The following FBXO10 variants were observed in gnomAD, a reference collection of about 807,000 sequenced individuals.
FBXO10 encodes F-box protein 10.
In FBXO10, 39 loss-of-function variants were observed where a neutral mutation model predicts 80.7. The ratio of observed to expected loss-of-function variants is 0.48; its 90% confidence interval spans 0.37 to 0.63. FBXO10 has a LOEUF of 0.63. Ranked by LOEUF, FBXO10 falls within the 30% of genes least tolerant of loss-of-function variation. FBXO10 has a pLI of 0.00. For synonymous variants in FBXO10, 449 were observed against 489.6 expected, an observed-to-expected ratio of 0.92 and a Z score of 1.09; for missense variants, 1,025 against 1,269.0, an observed-to-expected ratio of 0.81 and a Z score of 2.92.
intron 1 of FBXO10, among the ~76,000 whole-genome samples, chr9:37,572,733 T>C (rs1297666656): frequency 1.3e-5 from 2 of 152,220 alleles, no homozygotes; most frequent in Non-Finnish European, 2.9e-5. Flanking sequence ...GTATTGGCAA[T>C]GTTCCAGTTC....
At position 37,541,462 on chromosome 9, in the gene FBXO10, G is replaced by T. The variant is rs1346890047; in HGVS notation, c.307C>A (p.Arg103=). The change falls in exon 2 of 11, where the codon CGG becomes AGG. Residue 103 remains arginine (R), a synonymous_variant. Coordinates refer to ENST00000432825, the MANE Select transcript of FBXO10 (RefSeq NM_012166.3). ...CTCAGGGTACGTCGTTCCCTCCTCC[G>T]GCGGAATAGAGAAAAGCAGATGGAA... is the stretch of plus-strand genomic sequence containing the variant. The part of the protein sequence containing the change: ...ESSICFSLFR[R]RRERRTLSVG... 2.5e-6 allele frequency: 4 copies of T among 1,613,996 alleles called. No individual in the cohort carries two copies. The South Asian group carries it at 4.4e-5, about 18-fold the overall frequency.
chr9:37,552,403 G>A (rs13297860), intron 1 of FBXO10, among the ~76,000 whole-genome samples: 50 of 152,270 alleles, frequency 3.3e-4, no homozygotes, highest in Non-Finnish European at 7.1e-4. Context: ...GACACTTATG[G>A]CTGGGCGAGG....
At chr9:37,548,232 A>G (rs1400822486) in intron 1 of FBXO10, among the ~76,000 whole-genome samples, 1 of 151,700 alleles carries the variant, frequency 6.6e-6, no homozygotes, top group Admixed American at 6.6e-5. Flanking sequence ...TAAAAATACA[A>G]AAATTATCTG....
intron 1 of FBXO10, among the ~76,000 whole-genome samples, chr9:37,560,821 C>G (rs1822460283): frequency 6.6e-6 from 1 of 151,928 alleles, no homozygotes; most frequent in African/African-American, 2.4e-5. Flanking sequence ...GAAGTAGGCC[C>G]CAAGTGGTTC....
chr9:37,535,234 A>C (rs1184377874), intron 3 of FBXO10, among the ~76,000 whole-genome samples: 2 of 152,192 alleles, frequency 1.3e-5, no homozygotes, highest in Non-Finnish European at 2.9e-5. Context: ...AGGTGTGCCC[A>C]TTTCCAAACT....
At position 37,515,693 on chromosome 9, in the gene FBXO10, A is replaced by G. The variant is rs114911280; in HGVS notation, c.2696+211T>C. On this transcript the variant is annotated intron_variant, in intron 10 of 10. Transcript: ENST00000432825. Reference sequence around the variant, plus strand: ...GCAGAGCTGAGATCTGAAACCACATACCCCTGACTCTTAAAAAGCTTGTTC... The same window carrying G: ...GCAGAGCTGAGATCTGAAACCACATGCCCCTGACTCTTAAAAAGCTTGTTC... 2.3e-3 allele frequency: 1,119 copies of G among 497,246 alleles called. 14 individuals carry two copies. The highest frequency in any genetic ancestry group is 0.019 in the African/African-American group (989 of 50,746). The allele number at this position is 497,246 out of a possible 1,614,324, so 30.8% of individuals were successfully genotyped here.
chr9:37,552,842 G>A (rs187174883), intron 1 of FBXO10, among the ~76,000 whole-genome samples: 1 of 152,134 alleles, frequency 6.6e-6, no homozygotes, highest in African/African-American at 2.4e-5. Flanking sequence ...ATGAAAATAT[G>A]TGTCTGCACA....
At chr9:37,521,256 G>A (rs1001706777) in intron 8 of FBXO10, among the ~76,000 whole-genome samples, 1 of 152,072 alleles carries the variant, frequency 6.6e-6, no homozygotes, top group Non-Finnish European at 1.5e-5. Flanking sequence ...ACCTCTGCTC[G>A]GCCGCCCCAC....
intron 9 of FBXO10, among the ~76,000 whole-genome samples, chr9:37,517,918 C>G (rs1821225881): frequency 6.6e-6 from 1 of 152,162 alleles, no homozygotes; most frequent in South Asian, 2.1e-4. Context: ...GCTGGTGAGC[C>G]CTTGTTCATC....
chr9:37,541,662 A>G lies in FBXO10; in HGVS notation c.107T>C (p.Leu36Pro). The G allele has an allele frequency of 6.2e-7, 1 of 1,613,968 alleles. No individual in the cohort carries two copies. The highest frequency in any genetic ancestry group is 8.5e-7 in the Non-Finnish European group (1 of 1,179,876). ...GCGGGTGCTGTCGAGACTGAGGATC[A>G]GTTCATACCAGGCCCTGCATACCAG... ...CSLVCRAWYE[L>P]ILSLDSTRWR... Residue 36 changes from leucine to proline, a missense_variant, in exon 2 of 11, where the codon CTG becomes CCG. Leu to Pro is a moderately conservative substitution (Grantham distance 98, BLOSUM62 -3). This residue lies in a region of FBXO10 where 450 missense variants were observed against 499.4 expected (regional missense o/e 0.90). Coordinates refer to ENST00000432825, the MANE Select transcript of FBXO10 (RefSeq NM_012166.3).
rs760586783 is a variant in FBXO10, at chr9:37,531,891, G to A, written c.1569+18C>T. ...GAAAACCAAGAGTCACCCTGAATAGGGAACGAACACAAAGTACCAGTATGA... is the reference window on the plus strand; with the variant it reads ...GAAAACCAAGAGTCACCCTGAATAGAGAACGAACACAAAGTACCAGTATGA... On this transcript the variant is annotated intron_variant, in intron 4 of 10. Transcript: ENST00000432825. 6.2e-7 allele frequency: 1 copy of A among 1,611,146 alleles called. No individual in the cohort carries two copies. The highest frequency in any genetic ancestry group is 1.1e-5 in the South Asian group (1 of 90,978).
intron 1 of FBXO10, among the ~76,000 whole-genome samples, chr9:37,553,936 A>AAAAAAGAAAG (rs1554648219): frequency 6.7e-6 from 1 of 148,888 alleles, no homozygotes; most frequent in African/African-American, 2.6e-5. Context: ...AAAAAAAAAA[A>AAAAAAGAAAG]AAAGAAAGAA....
chr9:37,532,033 T>A lies in FBXO10; in HGVS notation c.1445A>T (p.Tyr482Phe), dbSNP rs747931656. 4 of 1,613,712 alleles carry A rather than the reference T, an allele frequency of 2.5e-6. No homozygotes were observed. The highest frequency in any genetic ancestry group is 1.7e-6 in the Non-Finnish European group (2 of 1,179,772). ...SKIIMLRNDI[Y>F]RCRASGIFLR... ...AAAGATGCCTGACGCTCGGCAGCGG[T>A]AAATGTCGTTCCTGAGCATGATGAT... The change falls in exon 4 of 11, where the codon TAC (tyrosine) becomes TTC (phenylalanine). Residue 482 changes from tyrosine (Y) to phenylalanine (F), a missense_variant. By Grantham distance (22) the Tyr-to-Phe change is conservative. Around this residue, in one of 3 missense-constraint regions of FBXO10, gnomAD observed 478 missense variants for 667.8 expected, o/e 0.72. Coordinates refer to ENST00000432825, the MANE Select transcript of FBXO10 (RefSeq NM_012166.3).
chr9:37,512,607 G>C lies in FBXO10; in HGVS notation c.2811C>G (p.Ile937Met). The C allele has an allele frequency of 6.2e-7, 1 of 1,614,068 alleles. No individual in the cohort carries two copies. Among genetic ancestry groups the C allele is most frequent in the Non-Finnish European group, 8.5e-7 (1 of 1,179,906 alleles). Residue 937 changes from isoleucine to methionine, a missense_variant, in exon 11 of 11, where the codon ATC becomes ATG. By Grantham distance (10) the Ile-to-Met change is conservative. Coordinates refer to ENST00000432825, the MANE Select transcript of FBXO10 (RefSeq NM_012166.3). ...GGTAACCACCTTCCACCCGGGCTGT[G>C]ATCCTCGTTGCCATGGCTGTCACCT... ...GQKVTAMATR[I>M]TARVEGGYHS...
chr9:37,556,878 C>T (rs1007088567), intron 1 of FBXO10, among the ~76,000 whole-genome samples: 1 of 152,144 alleles, frequency 6.6e-6, no homozygotes, highest in African/African-American at 2.4e-5. Flanking sequence ...ATGTCAAAAC[C>T]ACAATCTGGA....
Position 37,521,768 on chromosome 9 carries a change from G to A in FBXO10, c.2001C>T (p.Tyr667=). ...LPHVTSNHVS[Y]NGLYGVAVFS... Reference sequence around the variant, plus strand: ...ATACTGCCACTCCATACAGGCCATTGTAGCTGACGTGGTTGCTGGTGACAT... The same window carrying A: ...ATACTGCCACTCCATACAGGCCATTATAGCTGACGTGGTTGCTGGTGACAT... The change falls in exon 8 of 11, where the codon TAC becomes TAT. Residue 667 remains tyrosine (Y), a synonymous_variant. Transcript: ENST00000432825. 1 of 1,611,956 alleles carries A rather than the reference G, an allele frequency of 6.2e-7. No homozygotes were observed. Among genetic ancestry groups the A allele is most frequent in the Non-Finnish European group, 8.5e-7 (1 of 1,179,496 alleles).
At chr9:37,522,388 A>C (rs1243006068) in intron 7 of FBXO10, 1 of 1,009,334 alleles carries the variant, frequency 9.9e-7, no homozygotes. Context: ...ATTATTAGAG[A>C]TAGAGTCCAG....
intron 2 of FBXO10, 82 bp from the exon 3 acceptor site, chr9:37,538,025 C>T (rs1821820441): frequency 9.5e-7 from 1 of 1,057,384 alleles, no homozygotes; most frequent in South Asian, 1.5e-5. Flanking sequence ...GAGGGTAGAA[C>T]ATGGAAAGGC....
At chr9:37,522,063 T>TGA (rs1375950109) in intron 7 of FBXO10, among the ~76,000 whole-genome samples, 1 of 152,174 alleles carries the variant, frequency 6.6e-6, no homozygotes, top group Non-Finnish European at 1.5e-5. Flanking sequence ...CCACACAGTG[T>TGA]GAAAGTGCTC....
Sources: gnomAD v4.1 joint callset for allele counts (sites outside exome capture counted in the v4.1 genomes callset) on GRCh38, gnomAD v4.1.1 for gene constraint, gnomAD v4.1.1 regional missense constraint, MANE v1.5 for transcripts, NCBI Gene and HGNC (gene_info 2026-07-23, HGNC 2026-07-21) for gene names.